Variants in TLN1 observed in about 807,000 individuals in gnomAD.
The protein encoded by TLN1 is talin 1.
In TLN1, 56 loss-of-function variants were observed where a neutral mutation model predicts 292.3. That is an observed-to-expected ratio of 0.19 (90% CI 0.15 to 0.24). TLN1 has a LOEUF of 0.24. TLN1 is among the 10% of genes least tolerant of loss of function. The pLI is 1.00. For synonymous variants in TLN1, 1,119 were observed against 1,253.7 expected (o/e 0.89, Z 2.27); for missense variants, 2,433 against 3,248.2 (o/e 0.75, Z 6.10).
At chr9:35,708,066 T>G in intron 34 of TLN1, 174 bp from the exon 35 acceptor site, 1 of 787,012 alleles carries the variant, frequency 1.3e-6, no homozygotes, top group Non-Finnish European at 2.0e-6. Context: ...AAAGATGAAC[T>G]GGGCATGGGA....
Position 35,717,842 on chromosome 9 carries a change from C to T in TLN1, c.1996-56G>A, listed in dbSNP as rs1825812717. On this transcript the variant is annotated intron_variant, in intron 17 of 56. Coordinates refer to ENST00000314888, the MANE Select transcript of TLN1 (RefSeq NM_006289.4). This position sits in a 1 kb window ranked among gnomAD's most constrained non-coding sequence, Gnocchi z 4.7. ...AGATTGGGCTTGGGATTCACAGACA[C>T]TTCTCAGAGGCGTAAGCTGCTTCAT... The T allele has an allele frequency of 2.6e-6, 4 of 1,556,310 alleles. No homozygotes were observed. The highest frequency in any genetic ancestry group is 2.6e-6 in the Non-Finnish European group (3 of 1,142,100).
At position 35,714,915 on chromosome 9, in the gene TLN1, C is replaced by A; in HGVS notation, c.2755-39G>T. ...AGTAGTCAGACCAAGCCCATGGATT[C>A]CCATGCCCAGCCCAGTCCCTGGCCT... On this transcript the variant is annotated intron_variant, in intron 21 of 56. Coordinates refer to ENST00000314888, the MANE Select transcript of TLN1 (RefSeq NM_006289.4). This position sits in a 1 kb window ranked among gnomAD's most constrained non-coding sequence, Gnocchi z 4.6. The A allele has an allele frequency of 1.3e-6, 2 of 1,599,452 alleles. No homozygotes were observed. The highest frequency in any genetic ancestry group is 1.1e-5 in the South Asian group (1 of 89,364).
chr9:35,724,551 CT>C lies in TLN1; in HGVS notation c.511+20del. The C allele has an allele frequency of 6.2e-7, 1 of 1,602,274 alleles. No homozygotes were observed. The highest frequency in any genetic ancestry group is 8.5e-7 in the Non-Finnish European group (1 of 1,174,114). On this transcript the variant is annotated intron_variant, in intron 5 of 56. Coordinates refer to ENST00000314888, the MANE Select transcript of TLN1 (RefSeq NM_006289.4). This position sits in a 1 kb window ranked among gnomAD's most constrained non-coding sequence, Gnocchi z 4.7. ...CCACCCTTCCCATTTCAAAAGCCCT[CT>C]TTTTTCTAGTTCTGCTTACACTCAT...
At chr9:35,723,106 CT>C (rs372618542) in intron 7 of TLN1, 185 bp from the exon 8 acceptor site, 33,753 of 370,346 alleles carry the variant, frequency 0.091, 438 homozygotes, top group African/African-American at 0.16. Context: ...GTAAACTCTT[CT>C]TTTTTTTTTT....
rs746042156 is a variant in TLN1, at chr9:35,717,772, C to A, written c.2010G>T (p.Gln670His). The change falls in exon 18 of 57, where the codon CAG becomes CAT. Residue 670 changes from glutamine to histidine, a missense_variant. This residue lies in a region of TLN1 where 617 missense variants were observed against 770.6 expected (regional missense o/e 0.80). Coordinates refer to ENST00000314888, the MANE Select transcript of TLN1 (RefSeq NM_006289.4). This position sits in a 1 kb window ranked among gnomAD's most constrained non-coding sequence, Gnocchi z 4.7. ...TDPHFQDALMQLAKAVASAAA... is the reference protein window; with the variant it reads ...TDPHFQDALMHLAKAVASAAA... ...CAGCACTTGCCACAGCTTTGGCGAG[C>A]TGCATTAGCGCATCCTGTGAGAAAA... The A allele has an allele frequency of 1.9e-6, 3 of 1,606,428 alleles. No homozygotes were observed. In the South Asian group the frequency reaches 3.3e-5, roughly 18 times the overall value.
In TLN1 at chr9:35,722,052, A is replaced by C. The variant is rs558998081; in HGVS notation, c.948+67T>G. The stretch of plus-strand genomic sequence containing the variant: ...GATGTGACTGAGGGCAAGGCCAGAG[A>C]CTTTCAGAGACAGAAAAGGGCAAGA... On this transcript the variant is annotated intron_variant, in intron 9 of 56. Transcript: ENST00000314888. 1.1e-3 allele frequency: 1,663 copies of C among 1,449,210 alleles called. 4 individuals carry two copies. The highest frequency in any genetic ancestry group is 1.4e-3 in the South Asian group (124 of 87,654). 89.8% of individuals were successfully genotyped at this position (1,449,210 alleles called of 1,614,324 possible).
chr9:35,711,581 C>G lies in TLN1; in HGVS notation c.3879+14G>C. 1 of 1,613,474 alleles carries G rather than the reference C, an allele frequency of 6.2e-7. No individual in the cohort carries two copies. The highest frequency in any genetic ancestry group is 8.5e-7 in the Non-Finnish European group (1 of 1,180,034). On this transcript the variant is annotated intron_variant, in intron 29 of 56. Transcript: ENST00000314888. ...AGTGGGAACCATTCAACCAGACCCT[C>G]TGCCTCTTCATACCGGAGCCTGGCC...
At chr9:35,712,167 T>C in intron 27 of TLN1, 43 bp from the exon 28 acceptor site, 4 of 1,590,460 alleles carry the variant, frequency 2.5e-6, no homozygotes, top group Non-Finnish European at 3.4e-6. Context: ...TGAAAAGAAT[T>C]TGAGAGATCG....
intron 48 of TLN1, among the ~76,000 whole-genome samples, chr9:35,701,141 G>A (rs1163183844): frequency 6.6e-6 from 1 of 152,170 alleles, no homozygotes; most frequent in African/African-American, 2.4e-5. Context: ...AGAACTGAGT[G>A]GAAGAGCCTG....
At position 35,724,775 on chromosome 9, in the gene TLN1, T is replaced by A; in HGVS notation, c.359-51A>T. 6.2e-7 allele frequency: 1 copy of A among 1,613,636 alleles called. No homozygotes were observed. The highest frequency in any genetic ancestry group is 8.5e-7 in the Non-Finnish European group (1 of 1,179,644). ...TTCCCAGGTACTGCATCCATGCCTT[T>A]TGAGAGAGTTGAGGCTTTCTGGCCC... On this transcript the variant is annotated intron_variant, in intron 4 of 56. Transcript: ENST00000314888. This position sits in a 1 kb window ranked among gnomAD's most constrained non-coding sequence, Gnocchi z 4.7.
Position 35,724,338 on chromosome 9 carries a change from G to A in TLN1, c.512-4C>T. ...CGACCATGGTCCAGCCAGTTCACTG[G>A]GATACAGACAGTCCCCTCAGTGCCA... On this transcript the variant is annotated splice_polypyrimidine_tract_variant and splice_region_variant and intron_variant, in intron 5 of 56. Coordinates refer to ENST00000314888, the MANE Select transcript of TLN1 (RefSeq NM_006289.4). This position sits in a 1 kb window ranked among gnomAD's most constrained non-coding sequence, Gnocchi z 4.7. 1 of 1,614,108 alleles carries A rather than the reference G, an allele frequency of 6.2e-7. No homozygotes were observed. The highest frequency in any genetic ancestry group is 8.5e-7 in the Non-Finnish European group (1 of 1,180,028).
At chr9:35,722,000 G>A (rs1825885767) in intron 9 of TLN1, 119 bp downstream of exon 9, 1 of 1,179,656 alleles carries the variant, frequency 8.5e-7, no homozygotes, top group East Asian at 2.3e-5. Context: ...GCAAGGAAGA[G>A]AATGGGAATC....
rs754140949 is a variant in TLN1, at chr9:35,697,924, T to C, written c.7501-8A>G. The C allele has an allele frequency of 1.9e-6, 3 of 1,613,872 alleles. No individual in the cohort carries two copies. The highest frequency in any genetic ancestry group is 3.3e-5 in the Admixed American group (2 of 59,984). Reference sequence around the variant, plus strand: ...TTCCTGTGCTGCGATGATCTGAGGGTGGAGATCGGGGACTTAGTTCAGTGA... The same window carrying C: ...TTCCTGTGCTGCGATGATCTGAGGGCGGAGATCGGGGACTTAGTTCAGTGA... On this transcript the variant is annotated splice_region_variant and splice_polypyrimidine_tract_variant and intron_variant, in intron 56 of 56. Coordinates refer to ENST00000314888, the MANE Select transcript of TLN1 (RefSeq NM_006289.4).
At chr9:35,729,341 T>C (rs1826029875) in intron 1 of TLN1, among the ~76,000 whole-genome samples, 1 of 152,076 alleles carries the variant, frequency 6.6e-6, no homozygotes, top group Admixed American at 6.6e-5. Context: ...GGAGAAGCAG[T>C]AAATCGTGGA....
At chr9:35,727,699 G>T (rs923515058) in intron 1 of TLN1, among the ~76,000 whole-genome samples, 1 of 152,172 alleles carries the variant, frequency 6.6e-6, no homozygotes, top group Non-Finnish European at 1.5e-5. Flanking sequence ...CGAGAAGCTG[G>T]AGGAGTCTGT....
At chr9:35,712,548 T>A (rs1825692789) in intron 27 of TLN1, among the ~76,000 whole-genome samples, 1 of 150,236 alleles carries the variant, frequency 6.7e-6, no homozygotes, top group Non-Finnish European at 1.5e-5. Context: ...CTAGGGAGTC[T>A]GAGGCAGGAG....
intron 17 of TLN1, among the ~76,000 whole-genome samples, chr9:35,718,472 C>T (rs1288684513): frequency 6.6e-6 from 1 of 151,784 alleles, no homozygotes; most frequent in Non-Finnish European, 1.5e-5. Flanking sequence ...AGGGGGAGAG[C>T]TAGAGGAACA....
Position 35,697,861 on chromosome 9 carries a change from C to T in TLN1, c.7556G>A (p.Arg2519Gln). Residue 2519 changes from arginine (R) to glutamine (Q), a missense_variant, in exon 57 of 57, where the codon CGG (arginine) becomes CAG (glutamine). Arg to Gln is a conservative substitution (Grantham distance 43, BLOSUM62 1). Around this residue, in one of 7 missense-constraint regions of TLN1, gnomAD observed 141 missense variants for 248.5 expected, o/e 0.57. Coordinates refer to ENST00000314888, the MANE Select transcript of TLN1 (RefSeq NM_006289.4). ...LRKERELEEA[R>Q]KKLAQIRQQQ... ...CTGCCGGATCTGGGCCAGTTTCTTCCGCGCCTCTTCCAGCTCTCGTTCCTT... is the reference window on the plus strand; with the variant it reads ...CTGCCGGATCTGGGCCAGTTTCTTCTGCGCCTCTTCCAGCTCTCGTTCCTT... 2.5e-6 allele frequency: 4 copies of T among 1,614,162 alleles called. No individual in the cohort carries two copies. Among genetic ancestry groups the T allele is most frequent in the South Asian group, 1.1e-5 (1 of 91,086 alleles).
Position 35,715,080 on chromosome 9 carries a change from T to C in TLN1, c.2733A>G (p.Lys911=). ...TNAAAQNAIK[K]KLVQRLEHAA... ...TCACCTCCAGGCGCTGCACCAGCTT[T>C]TTCTTGATGGCATTCTGCGCAGCTG... Residue 911 remains lysine (K), a synonymous_variant, in exon 21 of 57, where the codon AAA becomes AAG. Coordinates refer to ENST00000314888, the MANE Select transcript of TLN1 (RefSeq NM_006289.4). The C allele has an allele frequency of 1.2e-6, 2 of 1,613,172 alleles. No individual in the cohort carries two copies. The highest frequency in any genetic ancestry group is 8.5e-7 in the Non-Finnish European group (1 of 1,180,034).
Sources: gnomAD v4.1 joint callset for allele counts (sites outside exome capture counted in the v4.1 genomes callset) on GRCh38, gnomAD v4.1.1 for gene constraint, gnomAD v4.1.1 regional missense constraint, Gnocchi (gnomAD v3.1) non-coding constraint, MANE v1.5 for transcripts, NCBI Gene and HGNC (gene_info 2026-07-23, HGNC 2026-07-21) for gene names.